The following TNR variants were observed in gnomAD, a reference collection of about 807,000 sequenced individuals.
TNR encodes tenascin R, also known as tenascin-R.
A neutral mutation model predicts 150.4 loss-of-function variants in TNR; 45 were observed. The observed-to-expected ratio is 0.30, with a 90% confidence interval of 0.24 to 0.38. TNR has a LOEUF of 0.38. TNR is among the 10% of genes least tolerant of loss of function. The probability of loss-of-function intolerance (pLI) is 1.00; values close to 1 mark genes in which losing one functional copy is unlikely to be tolerated. For synonymous variants in TNR, 687 were observed against 678.4 expected, an observed-to-expected ratio of 1.01 and a Z score of -0.20; for missense variants, 1,544 against 1,759.1, an observed-to-expected ratio of 0.88 and a Z score of 2.19.
intron 21 of TNR, among the ~76,000 whole-genome samples, chr1:175,325,433 G>T (rs12143394): frequency 0.43 from 65,266 of 152,046 alleles, 15,650 homozygotes; most frequent in East Asian, 0.66. Flanking sequence ...CTAAAAACTA[G>T]TTCAACCATT....
intron 1 of TNR, among the ~76,000 whole-genome samples, chr1:175,603,006 C>T (rs1186226943): frequency 1.3e-5 from 2 of 152,098 alleles, no homozygotes; most frequent in African/African-American, 2.4e-5. Flanking sequence ...AAAATAAATA[C>T]ATACATAATA....
Position 175,705,507 on chromosome 1 carries a change from G to T in TNR, c.-165+37719C>A, listed in dbSNP as rs563333560. 5.3e-5 allele frequency among the ~76,000 whole-genome samples: 8 copies of T among 152,226 alleles called. No homozygotes were observed. The South Asian group carries it at 1.7e-3, about 32-fold the overall frequency. ...GTTTATGAGCCTTTGGAAAGAAAAA[G>T]TTGGTGCATTCAAAGCAGCATAAGA... On this transcript the variant is annotated intron_variant, in intron 1 of 22. Transcript: ENST00000367674.
intron 1 of TNR, among the ~76,000 whole-genome samples, chr1:175,672,818 T>A (rs1176796142): frequency 1.3e-5 from 2 of 152,152 alleles, no homozygotes; most frequent in Non-Finnish European, 2.9e-5. Context: ...TGCATTCATA[T>A]TCCCTTTTCA....
chr1:175,661,248 A>T (rs1364263365), intron 1 of TNR, among the ~76,000 whole-genome samples: 3 of 152,206 alleles, frequency 2.0e-5, no homozygotes, highest in Non-Finnish European at 4.4e-5. Flanking sequence ...CAAATGGAGA[A>T]GCATCTCAGG....
At chr1:175,471,010 T>C (rs1018159680) in intron 2 of TNR, among the ~76,000 whole-genome samples, 6 of 152,224 alleles carry the variant, frequency 3.9e-5, no homozygotes, top group African/African-American at 1.4e-4. Flanking sequence ...TAGCTGTTTC[T>C]GCAGGGCGGA....
chr1:175,666,187 G>A (rs1450729457), intron 1 of TNR, among the ~76,000 whole-genome samples: 1 of 152,200 alleles, frequency 6.6e-6, no homozygotes, highest in African/African-American at 2.4e-5. Flanking sequence ...GAGACTCAGA[G>A]AGGTTGTACG....
intron 3 of TNR, among the ~76,000 whole-genome samples, chr1:175,404,418 C>T (rs1653857488): frequency 6.6e-6 from 1 of 152,166 alleles, no homozygotes; most frequent in African/African-American, 2.4e-5. Context: ...TTGCTATGAC[C>T]CCTCTGGGAT....
At chr1:175,581,879 C>T (rs1375698614) in intron 1 of TNR, among the ~76,000 whole-genome samples, 1 of 152,098 alleles carries the variant, frequency 6.6e-6, no homozygotes, top group Admixed American at 6.6e-5. Flanking sequence ...TTCATCCCTA[C>T]CTACATGCCA....
At chr1:175,615,626 CT>C (rs5778862) in intron 1 of TNR, among the ~76,000 whole-genome samples, 16,156 of 152,250 alleles carry the variant, frequency 0.11, 1,109 homozygotes, top group African/African-American at 0.19. Context: ...TCCTGACTCA[CT>C]TTGGCCGGTC....
rs755646024 is a variant in TNR at position 175,406,498 on chromosome 1, C to T, written c.217G>A (p.Val73Met). ...VVFNHVYNINVPLDNLCSSGL... is the reference protein window; with the variant it reads ...VVFNHVYNINMPLDNLCSSGL... Reference sequence around the variant, plus strand: ...GAGGAGCAGAGGTTGTCCAAGGGCACGTTAATGTTGTACACGTGGTTGAAG... The same window carrying T: ...GAGGAGCAGAGGTTGTCCAAGGGCATGTTAATGTTGTACACGTGGTTGAAG... Residue 73 changes from valine to methionine, a missense_variant, in exon 3 of 23, where the codon GTG (valine) becomes ATG (methionine). Physicochemically the swap from Val to Met is conservative, Grantham distance 21. Around this residue, in one of 2 missense-constraint regions of TNR, gnomAD observed 1,254 missense variants for 1,329.4 expected, o/e 0.94. Coordinates refer to ENST00000367674, the MANE Select transcript of TNR (RefSeq NM_003285.3). 3.5e-5 allele frequency: 56 copies of T among 1,614,042 alleles called. No individual in the cohort carries two copies. Among genetic ancestry groups the T allele is most frequent in the Non-Finnish European group, 3.7e-5 (44 of 1,180,056 alleles).
chr1:175,324,842 C>T (rs1649279136), intron 21 of TNR, among the ~76,000 whole-genome samples: 2 of 152,064 alleles, frequency 1.3e-5, no homozygotes, highest in Admixed American at 1.3e-4. Context: ...ACACAGGCCA[C>T]TCATGGTTCC....
At chr1:175,621,667 C>T in intron 1 of TNR, among the ~76,000 whole-genome samples, 1 of 152,216 alleles carries the variant, frequency 6.6e-6, no homozygotes, top group East Asian at 1.9e-4. Flanking sequence ...AGCTACCTAC[C>T]CTTCAATGTC....
At chr1:175,579,180 C>CCTTCCTTA (rs1662249257) in intron 1 of TNR, among the ~76,000 whole-genome samples, 1 of 145,520 alleles carries the variant, frequency 6.9e-6, no homozygotes, top group Non-Finnish European at 1.5e-5. Context: ...TTCCTTCCTT[C>CCTTCCTTA]CTTCCTTCCT....
intron 1 of TNR, among the ~76,000 whole-genome samples, chr1:175,653,741 G>A (rs1037125791): frequency 1.3e-5 from 2 of 152,144 alleles, no homozygotes; most frequent in African/African-American, 4.8e-5. Context: ...GCACTGTATT[G>A]TTCAATACAG....
intron 18 of TNR, among the ~76,000 whole-genome samples, chr1:175,343,249 C>CT (rs1478364565): frequency 6.6e-6 from 1 of 152,208 alleles, no homozygotes; most frequent in African/African-American, 2.4e-5. Context: ...CTCCTCCCCA[C>CT]TTTCACTATT....
In TNR at chr1:175,478,532, C is replaced by T. The variant is rs377461772; in HGVS notation, c.-64+49737G>A. Among the ~76,000 whole-genome samples, 21 of 152,088 alleles carry T rather than the reference C, an allele frequency of 1.4e-4. 1 individual carries two copies. Among genetic ancestry groups the T allele is most frequent in the Admixed American group, 7.9e-4 (12 of 15,262 alleles). On this transcript the variant is annotated intron_variant, in intron 2 of 22. Coordinates refer to ENST00000367674, the MANE Select transcript of TNR (RefSeq NM_003285.3). ...GGTTCAAGAGATAGGGCAGAGGCTA[C>T]CCTGGGGATCATTTCTGTGTCTGTG...
intron 10 of TNR, among the ~76,000 whole-genome samples, chr1:175,366,385 C>G (rs1356881814): frequency 6.6e-6 from 1 of 152,220 alleles, no homozygotes; most frequent in East Asian, 1.9e-4. Flanking sequence ...TTGCATCCAC[C>G]TCTGGGACAA....
chr1:175,713,744 C>T (rs1667082921), intron 1 of TNR, among the ~76,000 whole-genome samples: 1 of 152,156 alleles, frequency 6.6e-6, no homozygotes, highest in Admixed American at 6.5e-5. Flanking sequence ...AACAAAAGAA[C>T]CATCTCTGAT....
intron 2 of TNR, among the ~76,000 whole-genome samples, chr1:175,440,695 C>T (rs77426521): frequency 0.037 from 5,685 of 151,712 alleles, 161 homozygotes; most frequent in African/African-American, 0.08. Flanking sequence ...GTTTCAGTGT[C>T]GGGGGAGGAT....
Sources: allele counts gnomAD v4.1 joint callset (sites outside exome capture counted in the v4.1 genomes callset), GRCh38; gene constraint gnomAD v4.1.1; regional missense constraint gnomAD v4.1.1; transcripts MANE v1.5; gene names NCBI Gene and HGNC (gene_info 2026-07-23, HGNC 2026-07-21).